Variants in ABLIM1 observed in about 807,000 individuals in gnomAD.
ABLIM1 encodes actin binding LIM protein 1, also known as actin-binding LIM protein 1.
ABLIM1 carries 40 observed loss-of-function variants against 107.0 expected under a neutral mutation model. That is an observed-to-expected ratio of 0.37 (90% CI 0.29 to 0.49). The LOEUF is 0.49. ABLIM1 is among the 20% of genes least tolerant of loss of function. ABLIM1 has a pLI of 0.97. For synonymous variants in ABLIM1, 357 were observed against 357.3 expected, an observed-to-expected ratio of 1.00 and a Z score of 0.01; for missense variants, 857 against 1,008.5, an observed-to-expected ratio of 0.85 and a Z score of 2.04.
chr10:114,604,199 G>A (rs2076252172), intron 1 of ABLIM1, among the ~76,000 whole-genome samples: 1 of 152,176 alleles, frequency 6.6e-6, no homozygotes, highest in African/African-American at 2.4e-5. Flanking sequence ...CAGAGCCGCA[G>A]AGCTGAACAA....
At chr10:114,666,369 C>T (rs1282406303) in intron 1 of ABLIM1, among the ~76,000 whole-genome samples, 1 of 151,760 alleles carries the variant, frequency 6.6e-6, no homozygotes, top group African/African-American at 2.4e-5. Context: ...CATTGTTTTT[C>T]TTTTTTACTG....
intron 1 of ABLIM1, among the ~76,000 whole-genome samples, chr10:114,755,610 T>C (rs2082612810): frequency 1.3e-5 from 2 of 152,242 alleles, no homozygotes; most frequent in Admixed American, 1.3e-4. Context: ...AGTACTTGTC[T>C]AGCCGGCTTT....
upstream of ABLIM1, among the ~76,000 whole-genome samples, chr10:114,686,521 A>C (rs975222822): frequency 2.0e-5 from 3 of 151,786 alleles, no homozygotes; most frequent in Non-Finnish European, 4.4e-5. Context: ...TCAAAAAAAA[A>C]AACAAAAACA....
chr10:114,524,201 C>T (rs1012504102), intron 6 of ABLIM1, among the ~76,000 whole-genome samples: 2 of 152,174 alleles, frequency 1.3e-5, no homozygotes, highest in Non-Finnish European at 2.9e-5. Context: ...CTGGAAGTCA[C>T]GGTGCTCAGT....
chr10:114,460,942 C>G (rs549098211), intron 12 of ABLIM1, among the ~76,000 whole-genome samples: 2 of 152,296 alleles, frequency 1.3e-5, no homozygotes, highest in South Asian at 4.1e-4. Context: ...ACTTTTCTTT[C>G]TACAAAAAGT....
At chr10:114,517,521 C>T (rs933171783) in intron 6 of ABLIM1, among the ~76,000 whole-genome samples, 6 of 152,074 alleles carry the variant, frequency 3.9e-5, no homozygotes, top group Non-Finnish European at 8.8e-5. Context: ...GAATACATTT[C>T]TGTCATGTTT....
At chr10:114,594,735 G>A (rs1184884746) in intron 2 of ABLIM1, among the ~76,000 whole-genome samples, 1 of 152,176 alleles carries the variant, frequency 6.6e-6, no homozygotes, top group Non-Finnish European at 1.5e-5. Context: ...GGACAACAGA[G>A]TGAGACTCTG....
At chr10:114,704,296 CTCTCTCTATA>C (rs1213567385) in intron 1 of ABLIM1, among the ~76,000 whole-genome samples, 217 of 28,842 alleles carry the variant, frequency 7.5e-3, no homozygotes, top group African/African-American at 0.013. Context: ...CTCTCTCTCT[CTCTCTCTATA>C]TATATATATA....
At position 114,619,611 on chromosome 10, in the gene ABLIM1, T is replaced by C. The variant is rs2077342357; in HGVS notation, c.245-17650A>G. On this transcript the variant is annotated intron_variant, in intron 1 of 22. Transcript: ENST00000533213. This position sits in a 1 kb window ranked among gnomAD's most constrained non-coding sequence, Gnocchi z 4.1. ...GGTCACTGAGGGATGGGACGATGCA[T>C]GGCAGATAGTCCTGGTCCTGATCTT... 6.6e-6 allele frequency among the ~76,000 whole-genome samples: 1 copy of C among 152,166 alleles called. No homozygotes were observed. The highest frequency in any genetic ancestry group is 1.5e-5 in the Non-Finnish European group (1 of 68,038).
intron 14 of ABLIM1, among the ~76,000 whole-genome samples, chr10:114,451,378 A>G (rs992862488): frequency 6.6e-6 from 1 of 152,214 alleles, no homozygotes; most frequent in Non-Finnish European, 1.5e-5. Flanking sequence ...TTCTCTAGGA[A>G]CAGAATGATA....
chr10:114,648,634 TA>T (rs1171485153), intron 1 of ABLIM1, among the ~76,000 whole-genome samples: 8 of 152,248 alleles, frequency 5.3e-5, no homozygotes, highest in Non-Finnish European at 1.2e-4. Context: ...GTGGTTCTAC[TA>T]AAATGCACAG....
upstream of ABLIM1, among the ~76,000 whole-genome samples, chr10:114,768,813 G>C (rs2082966719): frequency 6.6e-6 from 1 of 152,122 alleles, no homozygotes; most frequent in African/African-American, 2.4e-5. Context: ...TGAAGAGTCG[G>C]GGCTGGGCCG....
intron 2 of ABLIM1, among the ~76,000 whole-genome samples, chr10:114,583,468 C>CACACATATATATAT (rs1342722676): frequency 6.6e-5 from 1 of 15,100 alleles, no homozygotes; most frequent in Non-Finnish European, 1.2e-4. Flanking sequence ...CACACACACA[C>CACACATATATATAT]ATATATATAT....
chr10:114,547,566 TG>T (rs1260468864), intron 5 of ABLIM1, 83 bp downstream of exon 5: 42 of 1,570,608 alleles, frequency 2.7e-5, no homozygotes, highest in Non-Finnish European at 3.6e-5. Flanking sequence ...ATTGATGGGG[TG>T]GGGCCCCTGA....
intron 14 of ABLIM1, among the ~76,000 whole-genome samples, chr10:114,450,361 A>T (rs1374767019): frequency 3.4e-5 from 5 of 147,932 alleles, no homozygotes; most frequent in Non-Finnish European, 7.5e-5. Flanking sequence ...TTGGTCTAAA[A>T]TTTTTTTCCT....
At chr10:114,652,263 C>T (rs751984134) in intron 1 of ABLIM1, among the ~76,000 whole-genome samples, 5 of 152,172 alleles carry the variant, frequency 3.3e-5, no homozygotes, top group East Asian at 1.9e-4. Context: ...GCCTACTATA[C>T]CCAAGACGCT....
At chr10:114,787,442 G>A in the ABLIM1 span, among the ~76,000 whole-genome samples, 4 of 150,424 alleles carry the variant, frequency 2.7e-5, no homozygotes, top group African/African-American at 7.3e-5. Context: ...CGCCCCATCC[G>A]GGAGGTGAGG....
the ABLIM1 span, chr10:114,778,919 C>T: frequency 6.6e-6 from 1 of 152,150 alleles, no homozygotes; most frequent in African/African-American, 2.4e-5. Flanking sequence ...GAAATGTTGC[C>T]TCACTGGTCT....
chr10:114,594,050 A>T (rs1285580949), intron 2 of ABLIM1, among the ~76,000 whole-genome samples: 3 of 152,194 alleles, frequency 2.0e-5, no homozygotes, highest in African/African-American at 7.2e-5. Context: ...CTGCCTTTTA[A>T]TCAGTTTGTG....
Sources: allele counts gnomAD v4.1 joint callset (sites outside exome capture counted in the v4.1 genomes callset), GRCh38; gene constraint gnomAD v4.1.1; non-coding constraint Gnocchi (gnomAD v3.1); transcripts MANE v1.5; gene names NCBI Gene and HGNC (gene_info 2026-07-23, HGNC 2026-07-21).